The following SMIM14 variants were observed in gnomAD, a reference collection of about 807,000 sequenced individuals.
The protein encoded by SMIM14 is chromosome 4 open reading frame 34.
SMIM14 carries 5 observed loss-of-function variants against 12.6 expected under a neutral mutation model. That is an observed-to-expected ratio of 0.40 (90% CI 0.21 to 0.83). The LOEUF is 0.83. SMIM14 is among the 40% of genes least tolerant of loss of function. The pLI, the probability that SMIM14 is intolerant of heterozygous loss-of-function variation, is 0.37. For missense variants in SMIM14, 86 were observed against 119.1 expected, an observed-to-expected ratio of 0.72 and a Z score of 1.29; for synonymous variants, 30 against 40.1, an observed-to-expected ratio of 0.75 and a Z score of 0.95.
chr4:39,596,816 T>C (rs756106748), intron 2 of SMIM14, among the ~76,000 whole-genome samples: 4 of 152,066 alleles, frequency 2.6e-5, no homozygotes, highest in African/African-American at 4.8e-5. Context: ...CTCACCGTCA[T>C]CCAGGCTGGA....
rs1205064754 is a variant in SMIM14, at chr4:39,551,644, A to C, written c.*482T>G. The C allele has an allele frequency of 1.3e-5, 2 of 152,702 alleles. No individual in the cohort carries two copies. Among genetic ancestry groups the C allele is most frequent in the African/African-American group, 4.8e-5 (2 of 41,462 alleles). 9.5% of individuals were successfully genotyped at this position (152,702 alleles called of 1,614,324 possible). ...ACTGCCATCCACAAATAAACTACCAAGGTAAATGTAAATACAGCGTGGTTC... is the reference window on the plus strand; with the variant it reads ...ACTGCCATCCACAAATAAACTACCACGGTAAATGTAAATACAGCGTGGTTC... On this transcript the variant is annotated 3_prime_UTR_variant, in exon 5 of 5. Coordinates refer to ENST00000295958, the MANE Select transcript of SMIM14 (RefSeq NM_174921.3).
chr4:39,612,271 C>A (rs1189296013), intron 1 of SMIM14, among the ~76,000 whole-genome samples: 1 of 151,838 alleles, frequency 6.6e-6, no homozygotes, highest in Non-Finnish European at 1.5e-5. Flanking sequence ...TTTTTTCTTT[C>A]TTTAGATGGA....
chr4:39,582,490 C>A (rs1169330832), intron 2 of SMIM14, among the ~76,000 whole-genome samples: 2 of 151,020 alleles, frequency 1.3e-5, no homozygotes, highest in South Asian at 2.1e-4. Flanking sequence ...CATGGTGAAA[C>A]CCTGTCTCTA....
At position 39,638,853 on chromosome 4, in the gene SMIM14, G is replaced by A; in HGVS notation, c.-150C>T. 1 of 985,788 alleles carries A rather than the reference G, an allele frequency of 1.0e-6. No individual in the cohort carries two copies. Among genetic ancestry groups the A allele is most frequent in the Non-Finnish European group, 1.2e-6 (1 of 830,224 alleles). The allele number at this position is 985,788 out of a possible 1,614,324, so 61.1% of individuals were successfully genotyped here. ...GGCTGCTCCGGACGCTGCTGCCACT[G>A]CCGTTTCTGGCCGCCGGCTTCCTCC... On this transcript the variant is annotated 5_prime_UTR_variant, in exon 1 of 5. Transcript: ENST00000295958.
chr4:39,613,703 C>A (rs1715114358), intron 1 of SMIM14, among the ~76,000 whole-genome samples: 1 of 152,130 alleles, frequency 6.6e-6, no homozygotes, highest in Non-Finnish European at 1.5e-5. Context: ...TAATTTAAAA[C>A]AAAGTTTCAT....
In SMIM14 at chr4:39,638,666, G is replaced by A. The variant is rs2306659; in HGVS notation, c.-36+73C>T. The A allele has an allele frequency of 4.7e-4, 458 of 981,112 alleles. 3 individuals are homozygous for A. In the East Asian group the frequency reaches 0.023, roughly 49 times the overall value. The allele number at this position is 981,112 out of a possible 1,614,324, so 60.8% of individuals were successfully genotyped here. A position where few individuals can be genotyped will look rare whatever the true frequency, so the allele number is the denominator to read the frequency against. On this transcript the variant is annotated intron_variant, in intron 1 of 4. Transcript: ENST00000295958. The stretch of plus-strand genomic sequence containing the variant: ...CCGCCGCAGTCCCCGAGAGCCTGAG[G>A]AGCCCCCAGGAAAAACTGGGGCGAG...
chr4:39,606,978 G>C (rs1714836881), intron 1 of SMIM14, among the ~76,000 whole-genome samples: 1 of 152,112 alleles, frequency 6.6e-6, no homozygotes, highest in Non-Finnish European at 1.5e-5. Context: ...AAAGATTACT[G>C]AACTTGAAGA....
At chr4:39,637,811 A>T (rs1383941701) in intron 1 of SMIM14, among the ~76,000 whole-genome samples, 1 of 152,198 alleles carries the variant, frequency 6.6e-6, no homozygotes, top group Admixed American at 6.5e-5. Flanking sequence ...AACACCTGGA[A>T]GGTCTTACGC....
chr4:39,628,601 G>C (rs1397718170), intron 1 of SMIM14, among the ~76,000 whole-genome samples: 2 of 151,658 alleles, frequency 1.3e-5, no homozygotes, highest in East Asian at 3.9e-4. Context: ...AGAATCGCTT[G>C]AACCTGGTAG....
chr4:39,590,338 T>C (rs1434946736), intron 2 of SMIM14, among the ~76,000 whole-genome samples: 3 of 142,718 alleles, frequency 2.1e-5, no homozygotes, highest in African/African-American at 7.8e-5. Context: ...GCTTGTGGAA[T>C]TGAGGTGGAA....
chr4:39,611,699 T>C (rs1351532553), intron 1 of SMIM14, among the ~76,000 whole-genome samples: 2 of 152,134 alleles, frequency 1.3e-5, no homozygotes, highest in Non-Finnish European at 2.9e-5. Flanking sequence ...TTAATTTGAA[T>C]ATTCATATTC....
intron 3 of SMIM14, among the ~76,000 whole-genome samples, chr4:39,557,872 T>C (rs973411858): frequency 1.3e-5 from 2 of 152,316 alleles, no homozygotes; most frequent in Admixed American, 1.3e-4. Context: ...AAAAGACCCC[T>C]TGAATTACAG....
At chr4:39,567,521 G>A (rs1219992897) in intron 3 of SMIM14, among the ~76,000 whole-genome samples, 4 of 151,986 alleles carry the variant, frequency 2.6e-5, no homozygotes, top group East Asian at 1.9e-4. Flanking sequence ...GGCGGATCAC[G>A]AGGTCAGGAG....
intron 2 of SMIM14, among the ~76,000 whole-genome samples, chr4:39,577,936 G>C (rs952551391): frequency 5.6e-4 from 85 of 152,120 alleles, no homozygotes; most frequent in Non-Finnish European, 1.5e-4. Context: ...TTCACAAACA[G>C]GCTATGCTCT....
In SMIM14 at chr4:39,547,905, CTT is replaced by C. The variant is rs33990654; in HGVS notation, c.*4219_*4220del. 1.3e-3 allele frequency: 185 copies of C among 137,926 alleles called. No individual in the cohort carries two copies. The highest frequency in any genetic ancestry group is 3.2e-3 in the African/African-American group (116 of 36,548). 8.5% of individuals were successfully genotyped at this position (137,926 alleles called of 1,614,324 possible). A position where few individuals can be genotyped will look rare whatever the true frequency, so the allele number is the denominator to read the frequency against. On this transcript the variant is annotated 3_prime_UTR_variant, in exon 5 of 5. Transcript: ENST00000295958. ...ATAACATGAAAAAAATGAAAAACAT[CTT>C]TTTTTTTTTTTTTTTGAGACGGAGT...
intron 1 of SMIM14, 70 bp downstream of exon 1, chr4:39,638,669 C>G (rs2109264926): frequency 1.0e-6 from 1 of 977,196 alleles, no homozygotes. Flanking sequence ...GCCTGAGGAG[C>G]CCCCAGGAAA....
At chr4:39,609,423 T>C (rs1245012537) in intron 1 of SMIM14, among the ~76,000 whole-genome samples, 1 of 152,080 alleles carries the variant, frequency 6.6e-6, no homozygotes, top group East Asian at 1.9e-4. Context: ...AGAAATTAAC[T>C]AGAAGTTGAG....
chr4:39,638,226 G>A (rs763956366), intron 1 of SMIM14: 1 of 153,316 alleles, frequency 6.5e-6, no homozygotes, highest in Non-Finnish European at 1.4e-5. Context: ...CTTTAAATTC[G>A]CGACACAATA....
chr4:39,610,259 T>C (rs1295825965), intron 1 of SMIM14, among the ~76,000 whole-genome samples: 1 of 152,110 alleles, frequency 6.6e-6, no homozygotes, highest in Non-Finnish European at 1.5e-5. Flanking sequence ...AGTGCTGAAA[T>C]TACAGGTGTG....
Sources: allele counts gnomAD v4.1 joint callset (sites outside exome capture counted in the v4.1 genomes callset), GRCh38; gene constraint gnomAD v4.1.1; transcripts MANE v1.5; gene names NCBI Gene and HGNC (gene_info 2026-07-23, HGNC 2026-07-21).